Variants in WLS observed in about 807,000 individuals in gnomAD.
WLS encodes the protein protein wntless homolog.
Under a neutral mutation model 62.8 loss-of-function variants are expected in WLS, and 23 were observed. The observed-to-expected ratio is 0.37, with a 90% CI of 0.26 to 0.52. The LOEUF (loss-of-function observed/expected upper bound fraction) is 0.52, where lower values mean the gene tolerates loss of function less well. Ranked by LOEUF, WLS falls within the 20% of genes least tolerant of loss-of-function variation. WLS has a pLI of 0.92. For missense variants in WLS, 615 were observed against 697.3 expected, an observed-to-expected ratio of 0.88 and a Z score of 1.33; for synonymous variants, 246 against 244.1, an observed-to-expected ratio of 1.01 and a Z score of -0.07.
chr1:68,115,717 AAACATC>A (rs746014534), intron 11 of WLS, among the ~76,000 whole-genome samples: 47 of 140,248 alleles, frequency 3.4e-4, no homozygotes, highest in Admixed American at 1.0e-3. Flanking sequence ...TGCTTTTTAA[AAACATC>A]AACAAATTTC....
In WLS at chr1:68,105,304, A is replaced by G. The variant is rs185933139; in HGVS notation, c.1511-6551T>C. On this transcript the variant is annotated intron_variant, in intron 11 of 11. Transcript: ENST00000354777. ...AACCTGAGTGCTTATACTTTGCATA[A>G]CCCTTTTGCATTGTTTAGTACTACT... 2.2e-3 allele frequency among the ~76,000 whole-genome samples: 332 copies of G among 152,256 alleles called. 5 individuals are homozygous for G. Among genetic ancestry groups the G allele is most frequent in the African/African-American group, 7.6e-3 (314 of 41,526 alleles).
At chr1:68,118,175 C>T (rs140703345) in intron 11 of WLS, among the ~76,000 whole-genome samples, 370 of 152,142 alleles carry the variant, frequency 2.4e-3, no homozygotes, top group African/African-American at 8.6e-3. Flanking sequence ...TTGAGCTACC[C>T]GTGTAACAGA....
At chr1:68,120,337 G>A (rs1472823161) in intron 11 of WLS, among the ~76,000 whole-genome samples, 1 of 152,184 alleles carries the variant, frequency 6.6e-6, no homozygotes, top group African/African-American at 2.4e-5. Flanking sequence ...TGTCATTCTC[G>A]ATTTGGCCTG....
intron 1 of WLS, among the ~76,000 whole-genome samples, chr1:68,194,561 G>A (rs181639673): frequency 2.4e-4 from 37 of 152,308 alleles, no homozygotes; most frequent in African/African-American, 8.2e-4. Context: ...GTCTTGGAGA[G>A]CTCTGGTGCT....
At chr1:68,104,040 A>C (rs1646112426) in intron 11 of WLS, among the ~76,000 whole-genome samples, 2 of 152,168 alleles carry the variant, frequency 1.3e-5, no homozygotes, top group South Asian at 4.1e-4. Context: ...ACACTGGCTC[A>C]AGGGCCCAGA....
chr1:68,208,662 T>G (rs1649383305), intron 1 of WLS, among the ~76,000 whole-genome samples: 1 of 152,236 alleles, frequency 6.6e-6, no homozygotes, highest in African/African-American at 2.4e-5. Context: ...CCTGTTTCTT[T>G]GACAGAATCC....
In WLS at chr1:68,114,375, A is replaced by T. The variant is rs57474882; in HGVS notation, c.1511-15622T>A. Among the ~76,000 whole-genome samples the T allele has an allele frequency of 2.3e-3, 353 of 152,272 alleles. 1 individual carries two copies. Among genetic ancestry groups the T allele is most frequent in the African/African-American group, 8.4e-3 (349 of 41,560 alleles). Reference sequence around the variant, plus strand: ...TTAGGAGCCAATATAAGCATTCCTTATTTGTCATTTCATGGGCTATATATA... The same window carrying T: ...TTAGGAGCCAATATAAGCATTCCTTTTTTGTCATTTCATGGGCTATATATA... On this transcript the variant is annotated intron_variant, in intron 11 of 11. Coordinates refer to the WLS transcript ENST00000354777.
At chr1:68,177,898 G>A (rs1311776606) in intron 2 of WLS, among the ~76,000 whole-genome samples, 1 of 152,144 alleles carries the variant, frequency 6.6e-6, no homozygotes, top group African/African-American at 2.4e-5. Context: ...CCCTATAAAG[G>A]TAGTACTACT....
intron 11 of WLS, among the ~76,000 whole-genome samples, chr1:68,110,113 TATTAG>T (rs1212938246): frequency 1.3e-5 from 2 of 149,924 alleles, no homozygotes; most frequent in African/African-American, 2.5e-5. Flanking sequence ...TTAAAAAGAC[TATTAG>T]ATTAATCTTT....
intron 1 of WLS, chr1:68,231,774 T>C (rs1272448370): frequency 2.1e-6 from 1 of 472,042 alleles, no homozygotes; most frequent in African/African-American, 2.0e-5. Context: ...TCTTCTGTTG[T>C]TCCTAATAAA....
At chr1:68,227,483 GT>G (rs577832812) in intron 1 of WLS, among the ~76,000 whole-genome samples, 182 of 149,650 alleles carry the variant, frequency 1.2e-3, no homozygotes, top group African/African-American at 3.9e-3. Flanking sequence ...AAATAGTTAA[GT>G]TTTTTTTAAG....
chr1:68,220,283 AC>A (rs1251969463), intron 1 of WLS, among the ~76,000 whole-genome samples: 1 of 152,210 alleles, frequency 6.6e-6, no homozygotes. Context: ...CTGCCCATTG[AC>A]CTTACGAGAC....
chr1:68,215,254 T>C (rs1030913447), intron 1 of WLS, among the ~76,000 whole-genome samples: 1 of 152,178 alleles, frequency 6.6e-6, no homozygotes, highest in Non-Finnish European at 1.5e-5. Context: ...CTCCAAGAAG[T>C]TGTATTACTG....
intron 1 of WLS, among the ~76,000 whole-genome samples, chr1:68,215,049 G>C (rs959977057): frequency 6.6e-6 from 1 of 152,140 alleles, no homozygotes; most frequent in African/African-American, 2.4e-5. Context: ...CGTGGCTAGT[G>C]CTTGGCTTGG....
intron 11 of WLS, among the ~76,000 whole-genome samples, chr1:68,101,825 G>T (rs1646082963): frequency 6.6e-6 from 1 of 152,156 alleles, no homozygotes; most frequent in Non-Finnish European, 1.5e-5. Flanking sequence ...CTTTAACAAG[G>T]AAAATGATAA....
chr1:68,189,201 T>C (rs1010873027), intron 2 of WLS, among the ~76,000 whole-genome samples: 7 of 152,168 alleles, frequency 4.6e-5, no homozygotes, highest in Admixed American at 1.3e-4. Flanking sequence ...ACAGTACTTG[T>C]GTGCAAGTCA....
chr1:68,113,098 G>A (rs1276313481), intron 11 of WLS, among the ~76,000 whole-genome samples: 1 of 152,204 alleles, frequency 6.6e-6, no homozygotes, highest in Non-Finnish European at 1.5e-5. Context: ...TCCCACCACA[G>A]GAAGCCTTCT....
At chr1:68,202,620 A>G (rs1267563311) in intron 1 of WLS, 1 of 152,130 alleles carries the variant, frequency 6.6e-6, no homozygotes, top group Non-Finnish European at 1.5e-5. Context: ...GCTATTGCTC[A>G]TTGCTCGGCT....
At chr1:68,173,755 A>G (rs1051111040) in intron 2 of WLS, among the ~76,000 whole-genome samples, 1 of 152,188 alleles carries the variant, frequency 6.6e-6, no homozygotes, top group Non-Finnish European at 1.5e-5. Context: ...CTGGCAGATG[A>G]ACCGCTACAG....
Sources: allele counts gnomAD v4.1 joint callset (sites outside exome capture counted in the v4.1 genomes callset), GRCh38; gene constraint gnomAD v4.1.1; transcripts MANE v1.5; gene names NCBI Gene and HGNC (gene_info 2026-07-23, HGNC 2026-07-21).